Variants in PCDHA11 observed in about 807,000 individuals in gnomAD.
The protein encoded by PCDHA11 is protocadherin alpha-11.
In PCDHA11, 61 loss-of-function variants were observed where a neutral mutation model predicts 70.3. The ratio of observed to expected loss-of-function variants is 0.87; its 90% CI spans 0.71 to 1.07. The LOEUF (loss-of-function observed/expected upper bound fraction) is 1.07. PCDHA11 is among the 50% of genes least tolerant of loss of function. The pLI is 0.00. For missense variants in PCDHA11, 1,324 were observed against 1,237.5 expected (o/e 1.07, Z -1.05); for synonymous variants, 633 against 555.1 (o/e 1.14, Z -1.97).
chr5:140,966,545 G>T (rs1554228431), intron 1 of PCDHA11: 1 of 465,862 alleles, frequency 2.1e-6, no homozygotes, highest in East Asian at 3.5e-5. Context: ...CGACTCGGAG[G>T]CGAGCGGAGG....
intron 3 of PCDHA11, among the ~76,000 whole-genome samples, chr5:140,992,214 C>G (rs2097499658): frequency 6.6e-6 from 1 of 152,152 alleles, no homozygotes; most frequent in Non-Finnish European, 1.5e-5. Flanking sequence ...ATAAACTACT[C>G]TCCCTTCCTG....
At chr5:140,885,107 T>G (rs2060471687) in intron 1 of PCDHA11, among the ~76,000 whole-genome samples, 1 of 152,238 alleles carries the variant, frequency 6.6e-6, no homozygotes, top group African/African-American at 2.4e-5. Context: ...TAAATGCTTT[T>G]TTTAAGTGCA....
At chr5:140,877,403 G>A (rs199806507) in intron 1 of PCDHA11, 243 of 1,613,770 alleles carry the variant, frequency 1.5e-4, no homozygotes, top group Non-Finnish European at 1.9e-4. Flanking sequence ...GACGCTCCGC[G>A]CCACCGCCTG....
chr5:140,974,613 G>A (rs1416866366), intron 1 of PCDHA11, among the ~76,000 whole-genome samples: 2 of 152,164 alleles, frequency 1.3e-5, no homozygotes, highest in African/African-American at 4.8e-5. Flanking sequence ...CAGGGTTCAA[G>A]CGATTCTCCT....
At chr5:140,895,862 A>T (rs1199310977) in intron 1 of PCDHA11, among the ~76,000 whole-genome samples, 1 of 152,136 alleles carries the variant, frequency 6.6e-6, no homozygotes, top group Non-Finnish European at 1.5e-5. Context: ...CCCAGGCTGG[A>T]GTGCAATGGC....
At chr5:140,969,004 T>C (rs1554231338) in intron 1 of PCDHA11, 2 of 1,614,060 alleles carry the variant, frequency 1.2e-6, no homozygotes, top group East Asian at 2.2e-5. Flanking sequence ...GAGGCTTCTG[T>C]GGAGTAAGGG....
chr5:140,941,447 C>T (rs1180553779), intron 1 of PCDHA11, among the ~76,000 whole-genome samples: 1 of 150,780 alleles, frequency 6.6e-6, no homozygotes, highest in South Asian at 2.1e-4. Flanking sequence ...TCGGGAGTAG[C>T]TGGGATTACA....
At position 140,869,973 on chromosome 5, in the gene PCDHA11, C is replaced by A. The variant is rs782664221; in HGVS notation, c.870C>A (p.His290Gln). 2 of 1,613,100 alleles carry A rather than the reference C, an allele frequency of 1.2e-6. No individual in the cohort carries two copies. The highest frequency in any genetic ancestry group is 1.7e-5 in the Admixed American group (1 of 59,924). ...SLMSIKPNGR[H>Q]LFTLDQNNGE... ...TGTCAATTAAGCCCAATGGAAGACACTTATTTACACTAGATCAAAATAATG... is the reference window on the plus strand; with the variant it reads ...TGTCAATTAAGCCCAATGGAAGACAATTATTTACACTAGATCAAAATAATG... Residue 290 changes from histidine to glutamine, a missense_variant, in exon 1 of 4, where the codon CAC becomes CAA. His to Gln is a conservative substitution (Grantham distance 24, BLOSUM62 0). Transcript: ENST00000398640.
intron 1 of PCDHA11, among the ~76,000 whole-genome samples, chr5:140,975,757 A>G (rs779490429): frequency 6.6e-5 from 10 of 152,234 alleles, no homozygotes; most frequent in South Asian, 2.1e-4. Flanking sequence ...ATTCTATGTC[A>G]TAAATCACAG....
Position 140,871,241 on chromosome 5 carries a change from C to G in PCDHA11, c.2138C>G (p.Thr713Arg), listed in dbSNP as rs782602807. 3.7e-6 allele frequency: 6 copies of G among 1,613,972 alleles called. No individual in the cohort carries two copies. Among genetic ancestry groups the G allele is most frequent in the Non-Finnish European group, 5.1e-6 (6 of 1,179,954 alleles). The change falls in exon 1 of 4, where the codon ACG becomes AGG. Residue 713 changes from threonine to arginine, a missense_variant. Physicochemically the swap from Thr to Arg is moderately conservative, Grantham distance 71. Coordinates refer to ENST00000398640, the MANE Select transcript of PCDHA11 (RefSeq NM_018902.5). ...GTGGTGTCCAGCCTCCTGGTACTCA[C>G]GCTGCTGCTGTATACGGCGCTGTGG... is the stretch of plus-strand genomic sequence containing the variant. The part of the protein sequence containing the change: ...ICVVSSLLVL[T>R]LLLYTALWWS...
intron 1 of PCDHA11, among the ~76,000 whole-genome samples, chr5:140,904,268 A>G (rs989389819): frequency 1.3e-5 from 2 of 152,004 alleles, no homozygotes; most frequent in African/African-American, 4.8e-5. Context: ...CCACTTATGA[A>G]TGAGAACATG....
At chr5:140,952,972 A>G (rs1206326487) in intron 1 of PCDHA11, among the ~76,000 whole-genome samples, 1 of 152,074 alleles carries the variant, frequency 6.6e-6, no homozygotes, top group Non-Finnish European at 1.5e-5. Context: ...CACACTTTTA[A>G]ACAACAAGAT....
intron 1 of PCDHA11, among the ~76,000 whole-genome samples, chr5:140,895,783 A>G (rs750912902): frequency 2.1e-4 from 32 of 152,122 alleles, no homozygotes; most frequent in Non-Finnish European, 3.8e-4. Context: ...ATAGTATTCA[A>G]TGACGTATAT....
intron 1 of PCDHA11, among the ~76,000 whole-genome samples, chr5:140,941,214 C>CTTTCTTT (rs1554214039): frequency 0.058 from 7,135 of 122,220 alleles, 362 homozygotes; most frequent in South Asian, 0.079. Context: ...TTTCTTTCTT[C>CTTTCTTT]CTTTCTTTCT....
chr5:140,922,652 T>C (rs371970165), intron 1 of PCDHA11, among the ~76,000 whole-genome samples: 4 of 152,156 alleles, frequency 2.6e-5, no homozygotes, highest in African/African-American at 9.7e-5. Context: ...ACAGTAAATA[T>C]GGCTATACTG....
In PCDHA11 at chr5:140,900,436, G is replaced by C. The variant is rs553121120; in HGVS notation, c.2391+28942G>C. 8.5e-5 allele frequency among the ~76,000 whole-genome samples: 13 copies of C among 152,126 alleles called. No individual in the cohort carries two copies. The East Asian group carries it at 2.5e-3, about 30-fold the overall frequency. ...GGGATTATAGGCACGTGCCACCACG[G>C]CCGGCTAATTTTTTATTTTTAGTAG... On this transcript the variant is annotated intron_variant, in intron 1 of 3. Transcript: ENST00000398640.
chr5:140,887,672 T>G (rs2061538471), intron 1 of PCDHA11, among the ~76,000 whole-genome samples: 1 of 152,180 alleles, frequency 6.6e-6, no homozygotes, highest in Admixed American at 6.5e-5. Flanking sequence ...GGATTTATCA[T>G]TTTCATCAAA....
chr5:140,871,561 T>C, intron 1 of PCDHA11, 67 bp downstream of exon 1: 1 of 1,485,946 alleles, frequency 6.7e-7, no homozygotes, highest in Non-Finnish European at 9.0e-7. Context: ...CAGTTTTTTT[T>C]CACGGATTTT....
intron 1 of PCDHA11, among the ~76,000 whole-genome samples, chr5:140,908,585 G>A (rs782742805): frequency 3.9e-5 from 6 of 152,160 alleles, no homozygotes; most frequent in South Asian, 4.1e-4. Flanking sequence ...AGAGTAGTTA[G>A]CTGCAGAAGA....
Sources: gnomAD v4.1 joint callset for allele counts (sites outside exome capture counted in the v4.1 genomes callset) on GRCh38, gnomAD v4.1.1 for gene constraint, MANE v1.5 for transcripts, NCBI Gene and HGNC (gene_info 2026-07-23, HGNC 2026-07-21) for gene names.